NRK: variants seen among roughly 807,000 people sequenced by gnomAD.
The protein encoded by NRK is Nik related kinase, also known as nik-related protein kinase.
In NRK, 67 loss-of-function variants were observed where a neutral mutation model predicts 125.2. The observed-to-expected ratio is 0.54, with a 90% confidence interval of 0.44 to 0.66. NRK has a LOEUF of 0.66. NRK is among the 30% of genes least tolerant of loss of function. NRK has a pLI of 0.00. For missense variants in NRK, 1,224 were observed against 1,192.9 expected (o/e 1.03, Z -0.38); for synonymous variants, 458 against 429.0 (o/e 1.07, Z -0.84).
At chrX:105,895,194 CT>C (rs1056243261) in intron 6 of NRK, 1 of 505,756 alleles carries the variant, frequency 2.0e-6, no homozygotes, top group African/African-American at 2.3e-5. Context: ...TTTTGGTGCT[CT>C]TTTTTTTCGT....
intron 4 of NRK, among the ~76,000 whole-genome samples, chrX:105,887,513 A>C (rs937956783): frequency 8.9e-6 from 1 of 112,205 alleles, no homozygotes; most frequent in Non-Finnish European, 1.9e-5. Context: ...TGTGGGAGAC[A>C]GTCTGTCATT....
At chrX:105,924,650 T>C in intron 18 of NRK, 45 bp from the exon 19 acceptor site, 1 of 1,079,475 alleles carries the variant, frequency 9.3e-7, no homozygotes. Context: ...TTCAAATGTG[T>C]TTTTATTGCG....
chrX:105,921,320 G>A (rs1311933658), intron 16 of NRK, among the ~76,000 whole-genome samples: 7 of 100,366 alleles, frequency 7.0e-5, no homozygotes, highest in East Asian at 3.2e-4. Flanking sequence ...ATCACACTCT[G>A]GGGACTGTTG....
rs1001279523 is a variant in NRK at position 105,831,107 on chromosome X, C to T, written c.111C>T (p.Gly37=). Residue 37 remains glycine, a synonymous_variant, in exon 2 of 29, where the codon GGC becomes GGT. Transcript: ENST00000243300. ...AAACCATTGGCCTTGGTACTTATGG[C>T]AGAATCTATTTGGTAAGTTGACTTA... ...LDKTIGLGTY[G]RIYLGLHEKT... The T allele has an allele frequency of 3.5e-5, 39 of 1,121,568 alleles. No individual in the cohort carries two copies. Among genetic ancestry groups the T allele is most frequent in the Non-Finnish European group, 4.8e-5 (39 of 819,522 alleles). The allele number at this position is 1,121,568 out of a possible 1,213,427, so 92.4% of individuals were successfully genotyped here.
intron 1 of NRK, among the ~76,000 whole-genome samples, chrX:105,825,739 G>A (rs1260867883): frequency 1.8e-5 from 2 of 111,089 alleles, no homozygotes; most frequent in African/African-American, 3.3e-5. Flanking sequence ...ACTTTTTCAC[G>A]TAATGCACTA....
Position 105,935,513 on chromosome X carries a change from C to T in NRK, c.3655+188C>T, listed in dbSNP as rs371810389. 4.3e-3 allele frequency among the ~76,000 whole-genome samples: 469 copies of T among 109,239 alleles called. 1 individual carries two copies. Among genetic ancestry groups the T allele is most frequent in the African/African-American group, 0.014 (435 of 30,047 alleles). The allele number at this position is 109,239 out of a possible 115,157, so 94.9% of individuals were successfully genotyped here. On this transcript the variant is annotated intron_variant, in intron 21 of 28. Transcript: ENST00000243300. Reference sequence around the variant, plus strand: ...CAGTGCAGTTTGATGTTTGAATTGACGGCCCCCACCTTTGTATTCTATTTC... The same window carrying T: ...CAGTGCAGTTTGATGTTTGAATTGATGGCCCCCACCTTTGTATTCTATTTC...
chrX:105,911,052 T>C (rs2040294258), intron 13 of NRK, among the ~76,000 whole-genome samples: 1 of 111,274 alleles, frequency 9.0e-6, no homozygotes, highest in Non-Finnish European at 1.9e-5. Context: ...ACCTAAAGAT[T>C]AATGCTAAAC....
intron 19 of NRK, among the ~76,000 whole-genome samples, chrX:105,929,742 C>A (rs1454553423): frequency 9.0e-6 from 1 of 111,631 alleles, no homozygotes; most frequent in East Asian, 2.8e-4. Flanking sequence ...AGATGTAGGA[C>A]TCCCTTAAGC....
chrX:105,863,854 A>G (rs1303600447), intron 2 of NRK, among the ~76,000 whole-genome samples: 1 of 111,972 alleles, frequency 8.9e-6, no homozygotes, highest in African/African-American at 3.2e-5. Context: ...GTAATTTATG[A>G]AAATTCTATA....
chrX:105,956,406 T>G lies in NRK; in HGVS notation c.*806T>G, dbSNP rs2147808957. On this transcript the variant is annotated 3_prime_UTR_variant, in exon 29 of 29. Coordinates refer to ENST00000243300, the MANE Select transcript of NRK (RefSeq NM_198465.4). ...GTAGAATGAGTATTTTTTAATACCT[T>G]AAGGTAGGCGTCAAATTCTACTCCC... 8.9e-6 allele frequency: 1 copy of G among 111,970 alleles called. No individual in the cohort carries two copies. The highest frequency in any genetic ancestry group is 2.8e-4 in the East Asian group (1 of 3,537). 9.2% of individuals were successfully genotyped at this position (111,970 alleles called of 1,213,427 possible).
chrX:105,879,022 C>T (rs2039852493), intron 2 of NRK, among the ~76,000 whole-genome samples: 1 of 111,347 alleles, frequency 9.0e-6, no homozygotes, highest in Non-Finnish European at 1.9e-5. Flanking sequence ...CTTGTCTCTT[C>T]CTGGCTTCTG....
intron 2 of NRK, among the ~76,000 whole-genome samples, chrX:105,833,720 A>T (rs1477323854): frequency 9.0e-6 from 1 of 111,535 alleles, no homozygotes; most frequent in African/African-American, 3.3e-5. Flanking sequence ...TGGTAAGATT[A>T]ACTCTTTTAA....
At position 105,937,519 on chromosome X, in the gene NRK, A is replaced by G. The variant is rs1375966675; in HGVS notation, c.3736A>G (p.Arg1246Gly). 8.3e-7 allele frequency: 1 copy of G among 1,199,651 alleles called. No individual in the cohort carries two copies. Among genetic ancestry groups the G allele is most frequent in the Non-Finnish European group, 1.1e-6 (1 of 886,201 alleles). The change falls in exon 22 of 29, where the codon AGG becomes GGG. Residue 1246 changes from arginine (R) to glycine (G), a missense_variant. Coordinates refer to ENST00000243300, the MANE Select transcript of NRK (RefSeq NM_198465.4). ...AAAGGCTGACATTACTAAACTTATA[A>G]GGCGAAGACCATTCCGCCAGATTCA... ...SGKADITKLI[R>G]RRPFRQIQVL...
chrX:105,860,816 C>T (rs1449075878), intron 2 of NRK, among the ~76,000 whole-genome samples: 1 of 111,068 alleles, frequency 9.0e-6, no homozygotes, highest in African/African-American at 3.3e-5. Context: ...TTTCTTATAG[C>T]TAAATAATAT....
rs1263649602 is a variant in NRK at position 105,923,459 on chromosome X, T to C, written c.2952T>C (p.Tyr984=). 1.8e-6 allele frequency: 2 copies of C among 1,136,784 alleles called. No homozygotes were observed. Among genetic ancestry groups the C allele is most frequent in the Admixed American group, 5.5e-5 (2 of 36,684 alleles). 93.7% of individuals were successfully genotyped at this position (1,136,784 alleles called of 1,213,427 possible). A position where few individuals can be genotyped will look rare whatever the true frequency, so the allele number is the denominator to read the frequency against. Reference sequence around the variant, plus strand: ...TTGTTGATGATGTAAATAATAATTATTATGAGGCGCCTAGTTGTCCAAGGT... The same window carrying C: ...TTGTTGATGATGTAAATAATAATTACTATGAGGCGCCTAGTTGTCCAAGGT... ...NKFVDDVNNN[Y]YEAPSCPRAS... The change falls in exon 18 of 29, where the codon TAT becomes TAC. Residue 984 remains tyrosine (Y), a synonymous_variant. Coordinates refer to ENST00000243300, the MANE Select transcript of NRK (RefSeq NM_198465.4).
At chrX:105,906,633 G>A (rs1183595186) in intron 11 of NRK, 44 bp downstream of exon 11, 4 of 677,301 alleles carry the variant, frequency 5.9e-6, no homozygotes, top group Non-Finnish European at 8.4e-6. Context: ...AATATTCAGA[G>A]TTTATTCATG....
rs73533142 is a variant in NRK at position 105,908,114 on chromosome X, G to A, written c.1022-126G>A. On this transcript the variant is annotated intron_variant, in intron 11 of 28. Transcript: ENST00000243300. ...CATCACAAACCAAGTACTTTTGAAGGGCTACCTTCTTGCCCTTGTAATTCA... is the reference window on the plus strand; with the variant it reads ...CATCACAAACCAAGTACTTTTGAAGAGCTACCTTCTTGCCCTTGTAATTCA... 2.2e-3 allele frequency: 847 copies of A among 391,423 alleles called. 8 individuals are homozygous for A. The highest frequency in any genetic ancestry group is 0.02 in the African/African-American group (765 of 37,641). The allele number at this position is 391,423 out of a possible 1,213,427, so 32.3% of individuals were successfully genotyped here.
Position 105,909,631 on chromosome X carries a change from A to G in NRK, c.1990A>G (p.Thr664Ala). 1.7e-6 allele frequency: 2 copies of G among 1,201,923 alleles called. No individual in the cohort carries two copies. Among genetic ancestry groups the G allele is most frequent in the Non-Finnish European group, 2.2e-6 (2 of 890,236 alleles). ...NNSKPLGPLQ[T>A]LMENLSSNRF... ...CTCAAAGCCACTTGGTCCGTTGCAA[A>G]CCCTGATGGAAAATCTGTCATCAAA... Residue 664 changes from threonine to alanine, a missense_variant, in exon 13 of 29, where the codon ACC (threonine) becomes GCC (alanine). Transcript: ENST00000243300.
At chrX:105,953,233 A>AGG in intron 28 of NRK, 60 bp downstream of exon 28, 1 of 902,805 alleles carries the variant, frequency 1.1e-6, no homozygotes, top group Non-Finnish European at 1.5e-6. Flanking sequence ...ATGAACCAAC[A>AGG]AAAGAAATTT....
Sources: allele counts gnomAD v4.1 joint callset (sites outside exome capture counted in the v4.1 genomes callset), GRCh38; gene constraint gnomAD v4.1.1; transcripts MANE v1.5; gene names NCBI Gene and HGNC (gene_info 2026-07-23, HGNC 2026-07-21).